Variants in ROBO2 observed in about 807,000 individuals in gnomAD.
The protein encoded by ROBO2 is roundabout guidance receptor 2.
In ROBO2, 53 loss-of-function variants were observed where a neutral mutation model predicts 160.8. That is an observed-to-expected ratio of 0.33 (90% CI 0.26 to 0.41). ROBO2 has a LOEUF of 0.41. ROBO2 is among the 10% of genes least tolerant of loss of function. The probability of loss-of-function intolerance (pLI) is 1.00; values close to 1 mark genes in which losing one functional copy is unlikely to be tolerated. For missense variants in ROBO2, 1,577 were observed against 1,722.4 expected, an observed-to-expected ratio of 0.92 and a Z score of 1.49; for synonymous variants, 664 against 611.7, an observed-to-expected ratio of 1.09 and a Z score of -1.26.
At chr3:76,819,073 T>A (rs1172513399) in intron 2 of ROBO2, among the ~76,000 whole-genome samples, 1 of 152,104 alleles carries the variant, frequency 6.6e-6, no homozygotes, top group Non-Finnish European at 1.5e-5. Flanking sequence ...TTAACAAATA[T>A]TTTTGACTGC....
chr3:77,475,945 A>T (rs2083943919), intron 2 of ROBO2, among the ~76,000 whole-genome samples: 1 of 152,222 alleles, frequency 6.6e-6, no homozygotes, highest in Non-Finnish European at 1.5e-5. Context: ...TTTAGCAGTG[A>T]AATCAGTAAA....
chr3:77,313,179 G>T (rs139135644), intron 2 of ROBO2, among the ~76,000 whole-genome samples: 111 of 152,228 alleles, frequency 7.3e-4, no homozygotes, highest in Non-Finnish European at 1.3e-3. Flanking sequence ...ACTCAGGATG[G>T]GTTAGAGATT....
chr3:76,254,786 A>T (rs1398196017), intron 2 of ROBO2, among the ~76,000 whole-genome samples: 1 of 151,918 alleles, frequency 6.6e-6, no homozygotes, highest in Non-Finnish European at 1.5e-5. Flanking sequence ...CATCAATAAG[A>T]TCCGTGGACT....
chr3:77,278,627 T>C (rs1481716006), intron 2 of ROBO2, among the ~76,000 whole-genome samples: 2 of 152,168 alleles, frequency 1.3e-5, no homozygotes, highest in Non-Finnish European at 2.9e-5. Context: ...ACTTTTGTTA[T>C]TTTTACTTTA....
intron 5 of ROBO2, among the ~76,000 whole-genome samples, chr3:77,504,658 G>A (rs1448793728): frequency 6.6e-6 from 1 of 151,950 alleles, no homozygotes; most frequent in African/African-American, 2.4e-5. Context: ...ACCCCAAATC[G>A]CCAGACTAGT....
At chr3:76,413,326 G>C (rs895595596) in intron 2 of ROBO2, among the ~76,000 whole-genome samples, 1 of 152,176 alleles carries the variant, frequency 6.6e-6, no homozygotes, top group African/African-American at 2.4e-5. Context: ...AAATGCTATG[G>C]ACTCCTGCTA....
intron 2 of ROBO2, among the ~76,000 whole-genome samples, chr3:76,901,995 T>A (rs556801064): frequency 2.1e-4 from 32 of 152,140 alleles, no homozygotes; most frequent in African/African-American, 7.5e-4. Flanking sequence ...TCCTCTTTTT[T>A]AAACATGTTT....
intron 24 of ROBO2, among the ~76,000 whole-genome samples, chr3:77,640,108 T>G (rs2095326738): frequency 8.2e-6 from 1 of 121,828 alleles, no homozygotes; most frequent in Non-Finnish European, 1.8e-5. Flanking sequence ...TTTTTTTTTT[T>G]TTTTTTTTTT....
chr3:77,326,376 T>C (rs2065394857), intron 2 of ROBO2, among the ~76,000 whole-genome samples: 1 of 152,182 alleles, frequency 6.6e-6, no homozygotes, highest in Non-Finnish European at 1.5e-5. Context: ...TGTATCTCAG[T>C]TTACCACTCT....
At chr3:77,293,398 A>G (rs1343996997) in intron 2 of ROBO2, among the ~76,000 whole-genome samples, 8 of 149,804 alleles carry the variant, frequency 5.3e-5, no homozygotes, top group South Asian at 2.1e-4. Flanking sequence ...CCCCAGACAT[A>G]AAGTAAAATT....
chr3:77,481,122 C>A, exon 4 of ROBO2: 1 of 1,612,410 alleles, frequency 6.2e-7, no homozygotes, highest in Non-Finnish European at 8.5e-7. Flanking sequence ...AACTGATGAT[C>A]TCCAATACCA....
chr3:76,565,911 G>A (rs2084487928), intron 2 of ROBO2, among the ~76,000 whole-genome samples: 1 of 152,072 alleles, frequency 6.6e-6, no homozygotes, highest in African/African-American at 2.4e-5. Context: ...ATAGTAAAAT[G>A]AATGACCATG....
chr3:76,094,246 T>TTG (rs2069350781), intron 2 of ROBO2, among the ~76,000 whole-genome samples: 1 of 152,152 alleles, frequency 6.6e-6, no homozygotes. Context: ...TGTGCCTGCC[T>TTG]TGTAGGATCG....
At chr3:76,834,098 C>CT (rs2067405844) in intron 2 of ROBO2, among the ~76,000 whole-genome samples, 1 of 121,812 alleles carries the variant, frequency 8.2e-6, no homozygotes, top group Non-Finnish European at 1.7e-5. Flanking sequence ...TTCTTTCTTT[C>CT]TTTCTTTCTT....
chr3:76,534,827 G>A (rs982422020), intron 2 of ROBO2, among the ~76,000 whole-genome samples: 9 of 152,082 alleles, frequency 5.9e-5, no homozygotes, highest in African/African-American at 2.2e-4. Context: ...AGAACCTTAG[G>A]GGTTGGTGAC....
intron 2 of ROBO2, among the ~76,000 whole-genome samples, chr3:76,589,894 C>T (rs145756356): frequency 1.8e-3 from 274 of 152,086 alleles, no homozygotes; most frequent in African/African-American, 6.1e-3. Flanking sequence ...AATGTTGTTA[C>T]GATATATTTA....
chr3:76,174,572 T>C (rs2073159672), intron 2 of ROBO2, among the ~76,000 whole-genome samples: 1 of 152,224 alleles, frequency 6.6e-6, no homozygotes, highest in Admixed American at 6.5e-5. Context: ...GTTTCTGTTA[T>C]CTGCATATGG....
chr3:76,890,950 G>A (rs998197968), intron 2 of ROBO2, among the ~76,000 whole-genome samples: 2 of 152,028 alleles, frequency 1.3e-5, no homozygotes, highest in Non-Finnish European at 2.9e-5. Context: ...AAGGTTTCTG[G>A]TATATATTAT....
intron 2 of ROBO2, among the ~76,000 whole-genome samples, chr3:77,251,506 C>T (rs578019498): frequency 7.9e-5 from 12 of 152,254 alleles, no homozygotes; most frequent in South Asian, 4.1e-4. Context: ...TGATAAGATA[C>T]GGTCATTATC....
Sources: gnomAD v4.1 joint callset for allele counts (sites outside exome capture counted in the v4.1 genomes callset) on GRCh38, gnomAD v4.1.1 for gene constraint, MANE v1.5 for transcripts, NCBI Gene and HGNC (gene_info 2026-07-23, HGNC 2026-07-21) for gene names.